Variants in CSPG4 observed in about 807,000 individuals in gnomAD.
The protein encoded by CSPG4 is chondroitin sulfate proteoglycan 4 (melanoma-associated).
CSPG4 carries 74 observed loss-of-function variants against 139.3 expected under a neutral mutation model. That is an observed-to-expected ratio of 0.53 (90% CI 0.44 to 0.64). The LOEUF (loss-of-function observed/expected upper bound fraction) is 0.64, where lower values mean the gene tolerates loss of function less well. CSPG4 is among the 30% of genes least tolerant of loss of function. The pLI is 0.00. For synonymous variants in CSPG4, 1,234 were observed against 1,394.2 expected (o/e 0.89, Z 2.56); for missense variants, 2,565 against 3,148.3 (o/e 0.81, Z 4.43).
chr15:75,701,412 C>CG (rs1894299751), intron 1 of CSPG4, among the ~76,000 whole-genome samples: 1 of 152,136 alleles, frequency 6.6e-6, no homozygotes, highest in Admixed American at 6.5e-5. Context: ...AGGGCGTTGC[C>CG]GGGGGGTGCA....
At chr15:75,710,497 G>A (rs1012258596) in intron 1 of CSPG4, among the ~76,000 whole-genome samples, 2 of 152,146 alleles carry the variant, frequency 1.3e-5, no homozygotes, top group Non-Finnish European at 2.9e-5. Flanking sequence ...TTCCTGGGCT[G>A]CTGGGGTTCT....
At chr15:75,683,551 G>A (rs1894009720) in intron 5 of CSPG4, among the ~76,000 whole-genome samples, 1 of 152,232 alleles carries the variant, frequency 6.6e-6, no homozygotes, top group Non-Finnish European at 1.5e-5. Context: ...GGGGCTGATG[G>A]TTGGCACTGT....
intron 1 of CSPG4, among the ~76,000 whole-genome samples, chr15:75,702,671 A>G (rs536421172): frequency 1.2e-4 from 18 of 152,292 alleles, no homozygotes; most frequent in African/African-American, 4.1e-4. Context: ...GAGGCAGGGG[A>G]CTGGACACTA....
At chr15:75,699,946 T>C (rs1894279757) in intron 1 of CSPG4, among the ~76,000 whole-genome samples, 1 of 152,076 alleles carries the variant, frequency 6.6e-6, no homozygotes, top group Admixed American at 6.5e-5. Flanking sequence ...CTCACCTCAG[T>C]GGACCCAGGC....
chr15:75,686,404 G>A (rs1894058242), intron 3 of CSPG4, among the ~76,000 whole-genome samples: 2 of 152,216 alleles, frequency 1.3e-5, no homozygotes, highest in South Asian at 2.1e-4. Flanking sequence ...ACCCCTCCTG[G>A]AGGCACAGCC....
In CSPG4 at chr15:75,676,108, G is replaced by A. The variant is rs367613285; in HGVS notation, c.6411C>T (p.Pro2137=). 29 of 1,533,904 alleles carry A rather than the reference G, an allele frequency of 1.9e-5. No homozygotes were observed. The African/African-American group carries it at 2.2e-4, about 12-fold the overall frequency. The change falls in exon 10 of 10, where the codon CCC becomes CCT. Residue 2137 remains proline, a synonymous_variant. Coordinates refer to ENST00000308508, the MANE Select transcript of CSPG4 (RefSeq NM_001897.5). ...VGRPEGRAPG[P]AGDSLTLELW... ...GCTCCAGAGTGAGACTGTCACCTGC[G>A]GGGCCGGGGGCCCTCCCCTCTGGCC...
In CSPG4 at chr15:75,677,076, G is replaced by T. The variant is rs1364119648; in HGVS notation, c.5443C>A (p.Pro1815Thr). The T allele has an allele frequency of 7.1e-7, 1 of 1,418,142 alleles. No homozygotes were observed. Among genetic ancestry groups the T allele is most frequent in the Non-Finnish European group, 9.3e-7 (1 of 1,080,936 alleles). 87.8% of individuals were successfully genotyped at this position (1,418,142 alleles called of 1,614,324 possible). ...QGPAGASVAG[P>T]QTSEAFAITV... is the part of the protein sequence containing the mutation. ...ATGGCAAAGGCCTCTGAGGTTTGGG[G>T]TCCAGCCACGGAGGCCCCTGCTGGC... The change falls in exon 10 of 10, where the codon CCC becomes ACC. Residue 1815 changes from proline (P) to threonine (T), a missense_variant. Physicochemically the swap from Pro to Thr is conservative, Grantham distance 38 (BLOSUM62 -1). Around this residue, in one of 5 missense-constraint regions of CSPG4, gnomAD observed 2,316 missense variants for 2,818.2 expected, o/e 0.82. Transcript: ENST00000308508.
chr15:75,685,520 C>T lies in CSPG4; in HGVS notation c.3971G>A (p.Arg1324His), dbSNP rs758020534. ...DTGRVLYLHS[R>H]PEAWSDAFSL... ...GAAGGCATCGCTCCAGGCCTCAGGG[C>T]GGGAGTGCAGGTACAGGACCCTGCC... Residue 1324 changes from arginine (R) to histidine (H), a missense_variant, in exon 4 of 10, where the codon CGC (arginine) becomes CAC (histidine). This residue lies in a region of CSPG4 where 2,316 missense variants were observed against 2,818.2 expected (regional missense o/e 0.82). Transcript: ENST00000308508. 43 of 1,607,628 alleles carry T rather than the reference C, an allele frequency of 2.7e-5. No homozygotes were observed. The highest frequency in any genetic ancestry group is 2.0e-4 in the South Asian group (18 of 90,372).
chr15:75,682,438 C>G lies in CSPG4; in HGVS notation c.4805G>C (p.Ser1602Thr), dbSNP rs200695467. 6.3e-7 allele frequency: 1 copy of G among 1,586,770 alleles called. No individual in the cohort carries two copies. Among genetic ancestry groups the G allele is most frequent in the Non-Finnish European group, 8.5e-7 (1 of 1,173,010 alleles). ...VCPGSVQPLS[S>T]QTLRASSSAG... ...GCTGGAGCTGGCCCTGAGGGTCTGA[C>G]TGCTGAGTGGCTGGACGGACCCTGC... The change falls in exon 8 of 10, where the codon AGT becomes ACT. Residue 1602 changes from serine to threonine, a missense_variant. Physicochemically the swap from Ser to Thr is moderately conservative, Grantham distance 58. Transcript: ENST00000308508.
In CSPG4 at chr15:75,690,711, C is replaced by G. The variant is rs1163798295; in HGVS notation, c.354G>C (p.Glu118Asp). Residue 118 changes from glutamate to aspartate, a missense_variant, in exon 3 of 10, where the codon GAG becomes GAC. Physicochemically the swap from Glu to Asp is conservative, Grantham distance 45. Around this residue, in one of 5 missense-constraint regions of CSPG4, gnomAD observed 132 missense variants for 132.3 expected, o/e 1.00. Transcript: ENST00000308508. Reference sequence around the variant, plus strand: ...CATCGACTGACAACGTGGCCCAGCCCTCTACGACAGTCAGCACCACAGTGT... The same window carrying G: ...CATCGACTGACAACGTGGCCCAGCCGTCTACGACAGTCAGCACCACAGTGT... ...IPHTVVLTVV[E>D]GWATLSVDGF... The G allele has an allele frequency of 6.2e-7, 1 of 1,613,152 alleles. No homozygotes were observed.
rs1894463120 is a variant in CSPG4, at chr15:75,712,720, G to A, written c.36C>T (p.Pro12=). ...QSGPRPPLPA[P]GLALALTLTM... ...TCAGGGTCAAAGCCAAGGCCAGGCCGGGGGCTGGAAGTGGGGGCCGCGGCC... is the reference window on the plus strand; with the variant it reads ...TCAGGGTCAAAGCCAAGGCCAGGCCAGGGGCTGGAAGTGGGGGCCGCGGCC... Residue 12 remains proline, a synonymous_variant, in exon 1 of 10, where the codon CCC becomes CCT. Transcript: ENST00000308508. The A allele has an allele frequency of 8.3e-6, 13 of 1,561,530 alleles. No individual in the cohort carries two copies. The highest frequency in any genetic ancestry group is 1.2e-5 in the South Asian group (1 of 84,930).
intron 5 of CSPG4, among the ~76,000 whole-genome samples, chr15:75,683,755 G>T (rs557762586): frequency 6.6e-6 from 1 of 152,212 alleles, no homozygotes; most frequent in African/African-American, 2.4e-5. Context: ...GGACTCACAT[G>T]CCCGGAAAAC....
At chr15:75,678,564 G>A (rs1279143954) in intron 8 of CSPG4, 1 of 444,386 alleles carries the variant, frequency 2.3e-6, no homozygotes, top group Non-Finnish European at 4.6e-6. Context: ...ATGTTGCCCA[G>A]GCTGGTCTTG....
At position 75,675,971 on chromosome 15, in the gene CSPG4, C is replaced by T. The variant is rs149670354; in HGVS notation, c.6548G>A (p.Arg2183Gln). 5.3e-4 allele frequency: 839 copies of T among 1,577,876 alleles called. 1 individual carries two copies. The highest frequency in any genetic ancestry group is 5.9e-4 in the Non-Finnish European group (687 of 1,166,756). ...VALLSVPEAARTEAGKPESST... is the reference protein window; with the variant it reads ...VALLSVPEAAQTEAGKPESST... Reference sequence around the variant, plus strand: ...GCTCTCTGGCTTCCCTGCTTCCGTCCGGGCGGCCTCGGGGACACTGAGCAG... The same window carrying T: ...GCTCTCTGGCTTCCCTGCTTCCGTCTGGGCGGCCTCGGGGACACTGAGCAG... Residue 2183 changes from arginine to glutamine, a missense_variant, in exon 10 of 10, where the codon CGG becomes CAG. This residue lies in a region of CSPG4 where 2,316 missense variants were observed against 2,818.2 expected (regional missense o/e 0.82). Coordinates refer to ENST00000308508, the MANE Select transcript of CSPG4 (RefSeq NM_001897.5).
intron 1 of CSPG4, 59 bp from the exon 2 acceptor site, chr15:75,693,292 G>A: frequency 1.5e-6 from 2 of 1,358,818 alleles, no homozygotes; most frequent in South Asian, 1.5e-5. Context: ...GAGGCGAGGT[G>A]CCGCAAAGAG....
At position 75,698,885 on chromosome 15, in the gene CSPG4, G is replaced by C. The variant is rs192231319; in HGVS notation, c.89-5652C>G. Among the ~76,000 whole-genome samples, 46 of 152,248 alleles carry C rather than the reference G, an allele frequency of 3.0e-4. No homozygotes were observed. The South Asian group carries it at 8.1e-3, about 27-fold the overall frequency. ...GGGAGACTTAAGGTCAGACTAAGGG[G>C]AGCGACCTGCCCAGTGATGACACTG... On this transcript the variant is annotated intron_variant, in intron 1 of 9. Coordinates refer to ENST00000308508, the MANE Select transcript of CSPG4 (RefSeq NM_001897.5). The surrounding 1 kb of genome is among the most constrained non-coding windows in gnomAD (Gnocchi z 4.3).
Position 75,682,240 on chromosome 15 carries a change from G to A in CSPG4, c.4950+53C>T, listed in dbSNP as rs985112558. 1.3e-5 allele frequency: 21 copies of A among 1,583,874 alleles called. 1 individual carries two copies. Among genetic ancestry groups the A allele is most frequent in the South Asian group, 6.6e-5 (6 of 90,646 alleles). On this transcript the variant is annotated intron_variant, in intron 8 of 9. Transcript: ENST00000308508. ...GTCCACATGATGTCCATGGCACAGC[G>A]GCCACCTGAGGCTGGGGGCATCTGA...
At chr15:75,695,509 C>T (rs574288128) in intron 1 of CSPG4, among the ~76,000 whole-genome samples, 2 of 152,306 alleles carry the variant, frequency 1.3e-5, no homozygotes, top group East Asian at 3.9e-4. Flanking sequence ...GGCAGCCCCC[C>T]ACCCCAACAG....
Position 75,682,585 on chromosome 15 carries a change from T to C in CSPG4, c.4783+22A>G, listed in dbSNP as rs781623258. ...CGCCCCAGCTCCTGGCACCCAGGAATGCCCATGATCAGCACACCCACCTGG... is the reference window on the plus strand; with the variant it reads ...CGCCCCAGCTCCTGGCACCCAGGAACGCCCATGATCAGCACACCCACCTGG... On this transcript the variant is annotated intron_variant, in intron 7 of 9. Transcript: ENST00000308508. 2.1e-5 allele frequency: 33 copies of C among 1,609,314 alleles called. No homozygotes were observed. The Admixed American group carries it at 5.0e-4, about 24-fold the overall frequency.
Sources: gnomAD v4.1 joint callset for allele counts (sites outside exome capture counted in the v4.1 genomes callset) on GRCh38, gnomAD v4.1.1 for gene constraint, gnomAD v4.1.1 regional missense constraint, Gnocchi (gnomAD v3.1) non-coding constraint, MANE v1.5 for transcripts, NCBI Gene and HGNC (gene_info 2026-07-23, HGNC 2026-07-21) for gene names.